Variants in MDN1 observed in about 807,000 individuals in gnomAD.
MDN1 encodes midasin.
MDN1 carries 266 observed loss-of-function variants against 669.2 expected under a neutral mutation model. The observed-to-expected ratio is 0.40, with a 90% CI of 0.36 to 0.44. The LOEUF is 0.44. Ranked by LOEUF, MDN1 falls within the 20% of genes least tolerant of loss-of-function variation. The pLI, the probability that MDN1 is intolerant of heterozygous loss-of-function variation, is 1.00. For synonymous variants in MDN1, 2,385 were observed against 2,457.1 expected, an observed-to-expected ratio of 0.97 and a Z score of 0.87; for missense variants, 5,940 against 6,754.0, an observed-to-expected ratio of 0.88 and a Z score of 4.22.
chr6:89,662,214 T>C lies in MDN1; in HGVS notation c.14438A>G (p.Asp4813Gly), dbSNP rs1469562381. 1 of 1,612,134 alleles carries C rather than the reference T, an allele frequency of 6.2e-7. No homozygotes were observed. Among genetic ancestry groups the C allele is most frequent in the Admixed American group, 1.7e-5 (1 of 59,484 alleles). ...DEEDSELVAKDDNLDSGNSNK... is the reference protein window; with the variant it reads ...DEEDSELVAKGDNLDSGNSNK... ...TGAATTGCCACTATCCAAGTTGTCA[T>C]CTTTAGCAACAAGTTCAGAATCTTC... The change falls in exon 87 of 102, where the codon GAT becomes GGT. Residue 4813 changes from aspartate (D) to glycine (G), a missense_variant. Transcript: ENST00000369393.
chr6:89,718,329 T>C (rs770673093), intron 43 of MDN1, 37 bp downstream of exon 43: 3 of 1,585,964 alleles, frequency 1.9e-6, no homozygotes, highest in South Asian at 2.2e-5. Context: ...ATATAAGCAA[T>C]GGTAAGTTCC....
chr6:89,682,699 T>TAAAAAAAAA lies in MDN1; in HGVS notation c.12102+424_12102+432dup, dbSNP rs143107841. ...CTCCAGCCTGAGCGAGACTCTGTCT[T>TAAAAAAAAA]AAAAAAAAAAAAAAAAAAAAAAAAA... On this transcript the variant is annotated intron_variant, in intron 73 of 101. Transcript: ENST00000369393. Among the ~76,000 whole-genome samples, 947 of 96,726 alleles carry TAAAAAAAAA rather than the reference T, an allele frequency of 9.8e-3. 8 individuals carry two copies. Among genetic ancestry groups the TAAAAAAAAA allele is most frequent in the Non-Finnish European group, 0.015 (712 of 47,432 alleles). 63.5% of individuals were successfully genotyped at this position (96,726 alleles called of 152,430 possible).
rs766822380 is a variant in MDN1 at position 89,642,764 on chromosome 6, A to AGAG, written c.*1238_*1240dup. 2 of 152,236 alleles carry AGAG rather than the reference A, an allele frequency of 1.3e-5. No individual in the cohort carries two copies. The highest frequency in any genetic ancestry group is 2.9e-5 in the Non-Finnish European group (2 of 68,048). The allele number at this position is 152,236 out of a possible 1,614,324, so 9.4% of individuals were successfully genotyped here. ...ACAATCCTGTCATCTTCCATTAAGAAGAGTCACAAATTACATCAACAACAG... is the reference window on the plus strand; with the variant it reads ...ACAATCCTGTCATCTTCCATTAAGAAGAGGAGTCACAAATTACATCAACAACAG... On this transcript the variant is annotated 3_prime_UTR_variant, in exon 102 of 102. Transcript: ENST00000369393.
intron 53 of MDN1, among the ~76,000 whole-genome samples, chr6:89,702,934 G>T (rs1340603164): frequency 7.6e-6 from 1 of 131,456 alleles, no homozygotes; most frequent in South Asian, 2.3e-4. Flanking sequence ...TAGGGGTAAA[G>T]GCCCTTTTTT....
At chr6:89,811,906 TG>T (rs1768442392) in intron 1 of MDN1, among the ~76,000 whole-genome samples, 1 of 152,120 alleles carries the variant, frequency 6.6e-6, no homozygotes, top group Non-Finnish European at 1.5e-5. Flanking sequence ...GAAGCTTAAA[TG>T]GGTTTTATTT....
chr6:89,772,767 T>C lies in MDN1; in HGVS notation c.1935-46A>G, dbSNP rs201333790. 2.5e-4 allele frequency: 396 copies of C among 1,596,132 alleles called. 4 individuals are homozygous for C. The African/African-American group carries it at 4.6e-3, about 19-fold the overall frequency. On this transcript the variant is annotated intron_variant, in intron 13 of 101. Coordinates refer to ENST00000369393, the MANE Select transcript of MDN1 (RefSeq NM_014611.3). ...GTTTAAAAACCACGCTGCAAGCTTC[T>C]CCTAGTTTTGCTCTGGGAAACCATA...
chr6:89,771,460 C>T (rs1401774556), intron 15 of MDN1, 101 bp downstream of exon 15: 4 of 1,013,220 alleles, frequency 3.9e-6, no homozygotes, highest in East Asian at 2.4e-5. Context: ...TCTATTGCAT[C>T]GAGCATCCTA....
At position 89,749,316 on chromosome 6, in the gene MDN1, T is replaced by C; in HGVS notation, c.3669A>G (p.Leu1223=). The C allele has an allele frequency of 6.2e-7, 1 of 1,614,088 alleles. No homozygotes were observed. Among genetic ancestry groups the C allele is most frequent in the Non-Finnish European group, 8.5e-7 (1 of 1,179,992 alleles). Reference sequence around the variant, plus strand: ...AGATTGTTTCCAACTCGGAGCTAGGTAACTCATCAAAGTGCAATTCCACAA... The same window carrying C: ...AGATTGTTTCCAACTCGGAGCTAGGCAACTCATCAAAGTGCAATTCCACAA... ...NRFVELHFDE[L]PSSELETILH... is the part of the protein sequence containing the mutation. Residue 1223 remains leucine (L), a synonymous_variant, in exon 26 of 102, where the codon TTA becomes TTG. Transcript: ENST00000369393.
At position 89,776,594 on chromosome 6, in the gene MDN1, A is replaced by G; in HGVS notation, c.1821+6T>C. On this transcript the variant is annotated splice_donor_region_variant and intron_variant, in intron 12 of 101. Transcript: ENST00000369393. Reference sequence around the variant, plus strand: ...CAACAGGGAAGTAAAAAAACAGCACACATACCTTTTTTCTAGAAATGTTCA... The same window carrying G: ...CAACAGGGAAGTAAAAAAACAGCACGCATACCTTTTTTCTAGAAATGTTCA... 6.3e-7 allele frequency: 1 copy of G among 1,599,286 alleles called. No individual in the cohort carries two copies. Among genetic ancestry groups the G allele is most frequent in the Non-Finnish European group, 8.6e-7 (1 of 1,168,994 alleles).
In MDN1 at chr6:89,758,728, T is replaced by C. The variant is rs1817381889; in HGVS notation, c.2605+88A>G. 2 of 1,411,404 alleles carry C rather than the reference T, an allele frequency of 1.4e-6. 1 individual carries two copies. The highest frequency in any genetic ancestry group is 4.2e-5 in the Admixed American group (2 of 47,258). 87.4% of individuals were successfully genotyped at this position (1,411,404 alleles called of 1,614,324 possible). A position where few individuals can be genotyped will look rare whatever the true frequency, so the allele number is the denominator to read the frequency against. ...AAATTCCATTGGGAGGCCCATGTCA[T>C]CCTTCTAACAACAACAACAAAAAAT... On this transcript the variant is annotated intron_variant, in intron 18 of 101. Coordinates refer to ENST00000369393, the MANE Select transcript of MDN1 (RefSeq NM_014611.3).
chr6:89,650,103 G>C lies in MDN1; in HGVS notation c.16127C>G (p.Thr5376Ser). The C allele has an allele frequency of 6.2e-7, 1 of 1,614,120 alleles. No homozygotes were observed. Residue 5376 changes from threonine to serine, a missense_variant, in exon 97 of 102, where the codon ACC becomes AGC. Physicochemically the swap from Thr to Ser is moderately conservative, Grantham distance 58. This residue lies in a region of MDN1 where 2,280 missense variants were observed against 2,576.3 expected (regional missense o/e 0.88). Coordinates refer to ENST00000369393, the MANE Select transcript of MDN1 (RefSeq NM_014611.3). Reference protein sequence around the residue: ...FRKDKIWLRRTKPSKRQYQIC... With the variant: ...FRKDKIWLRRSKPSKRQYQIC... The stretch of plus-strand genomic sequence containing the variant: ...CTGATACTGGCGTTTACTGGGCTTG[G>C]TCCTTCGAAGCCAAATCTTGTCTTT...
chr6:89,753,035 A>G (rs1817036804), intron 22 of MDN1, among the ~76,000 whole-genome samples: 1 of 152,138 alleles, frequency 6.6e-6, no homozygotes, highest in Non-Finnish European at 1.5e-5. Flanking sequence ...AGACAGGAGA[A>G]TCACTTCAGC....
chr6:89,693,253 C>G (rs1299650712), intron 62 of MDN1, 105 bp from the exon 63 acceptor site: 1 of 726,692 alleles, frequency 1.4e-6, no homozygotes, highest in Non-Finnish European at 2.2e-6. Flanking sequence ...TCAGCTGCTG[C>G]GAAATAATAT....
At chr6:89,706,933 A>C (rs2128310990) in intron 52 of MDN1, among the ~76,000 whole-genome samples, 1 of 152,156 alleles carries the variant, frequency 6.6e-6, no homozygotes, top group East Asian at 1.9e-4. Context: ...AAGCACAACT[A>C]TCTTTTCAAT....
intron 12 of MDN1, 146 bp from the exon 13 acceptor site, chr6:89,774,879 G>A: frequency 5.2e-6 from 3 of 574,290 alleles, no homozygotes; most frequent in Non-Finnish European, 9.3e-6. Flanking sequence ...TTTTCATAAA[G>A]AAATTTCTTT....
chr6:89,698,924 G>A lies in MDN1; in HGVS notation c.9109C>T (p.Pro3037Ser). ...TCCCTCTGCTGCATACCAGGCAAAG[G>A]GTTCCACATTAGCCAGTACTCTGGA... ...TNPEYWLMWN[P>S]LPGMQQREAP... Residue 3037 changes from proline (P) to serine (S), a missense_variant, in exon 59 of 102, where the codon CCT becomes TCT. Pro to Ser is a moderately conservative substitution (Grantham distance 74). This residue lies in a region of MDN1 where 2,292 missense variants were observed against 2,638.3 expected (regional missense o/e 0.87). Transcript: ENST00000369393. 1 of 1,614,046 alleles carries A rather than the reference G, an allele frequency of 6.2e-7. No homozygotes were observed. The highest frequency in any genetic ancestry group is 8.5e-7 in the Non-Finnish European group (1 of 1,180,004).
rs1808305866 is a variant in MDN1, at chr6:89,643,803, T to G, written c.*202A>C. On this transcript the variant is annotated 3_prime_UTR_variant, in exon 102 of 102. Coordinates refer to ENST00000369393, the MANE Select transcript of MDN1 (RefSeq NM_014611.3). ...TTCTCTAGTTACGAGTTCAGGCACCTGCTGCTGCTTCCAGGTTTGGTATAA... is the reference window on the plus strand; with the variant it reads ...TTCTCTAGTTACGAGTTCAGGCACCGGCTGCTGCTTCCAGGTTTGGTATAA... 2.1e-6 allele frequency: 1 copy of G among 473,134 alleles called. No homozygotes were observed. Among genetic ancestry groups the G allele is most frequent in the Non-Finnish European group, 3.7e-6 (1 of 272,704 alleles). The allele number at this position is 473,134 out of a possible 1,614,324, so 29.3% of individuals were successfully genotyped here. A position where few individuals can be genotyped will look rare whatever the true frequency, so the allele number is the denominator to read the frequency against.
Position 89,644,082 on chromosome 6 carries a change from C to A in MDN1, c.16714G>T (p.Val5572Leu), listed in dbSNP as rs1455943048. ...CTGAGTGTCTCAGGAAGTGCGTTTA[C>A]ATCTCGAAGAATGATATAGTATGGG... is the stretch of plus-strand genomic sequence containing the variant. ...PFPYYIILRD[V>L]NALPETLSDA... is the part of the protein sequence containing the mutation. The change falls in exon 102 of 102, where the codon GTA becomes TTA. Residue 5572 changes from valine to leucine, a missense_variant. This residue lies in a region of MDN1 where 2,280 missense variants were observed against 2,576.3 expected (regional missense o/e 0.88). Coordinates refer to ENST00000369393, the MANE Select transcript of MDN1 (RefSeq NM_014611.3). The A allele has an allele frequency of 6.2e-7, 1 of 1,614,022 alleles. No homozygotes were observed. Among genetic ancestry groups the A allele is most frequent in the Non-Finnish European group, 8.5e-7 (1 of 1,180,032 alleles).
chr6:89,670,919 C>T lies in MDN1; in HGVS notation c.13956G>A (p.Lys4652=), dbSNP rs1341043856. ...LAQVFTELAQ[K]GFCLPKEFME... ...AGTGCACCATGTGAACAGTCCTTACCTTCTGGGCAAGCTCTGTAAAGACCT... is the reference window on the plus strand; with the variant it reads ...AGTGCACCATGTGAACAGTCCTTACTTTCTGGGCAAGCTCTGTAAAGACCT... Residue 4652 remains lysine (K), a splice_region_variant and synonymous_variant, in exon 83 of 102, where the codon AAG becomes AAA. Coordinates refer to ENST00000369393, the MANE Select transcript of MDN1 (RefSeq NM_014611.3). 7 of 1,613,994 alleles carry T rather than the reference C, an allele frequency of 4.3e-6. No individual in the cohort carries two copies. Among genetic ancestry groups the T allele is most frequent in the Non-Finnish European group, 5.9e-6 (7 of 1,179,914 alleles).
Sources: gnomAD v4.1 joint callset for allele counts (sites outside exome capture counted in the v4.1 genomes callset) on GRCh38, gnomAD v4.1.1 for gene constraint, gnomAD v4.1.1 regional missense constraint, MANE v1.5 for transcripts, NCBI Gene and HGNC (gene_info 2026-07-23, HGNC 2026-07-21) for gene names.